SAMD4A: variants seen among roughly 807,000 people sequenced by gnomAD.
SAMD4A encodes protein Smaug homolog 1.
SAMD4A carries 33 observed loss-of-function variants against 81.3 expected under a neutral mutation model. The observed-to-expected ratio is 0.41, with a 90% CI of 0.31 to 0.54. The LOEUF (loss-of-function observed/expected upper bound fraction) is 0.54, where lower values mean the gene tolerates loss of function less well. Among genes scored for constraint, SAMD4A ranks in the 20% least tolerant of loss-of-function variants. The pLI, the probability that SAMD4A is intolerant of heterozygous loss-of-function variation, is 0.37. For missense variants in SAMD4A, 854 were observed against 951.1 expected, an observed-to-expected ratio of 0.90 and a Z score of 1.34; for synonymous variants, 389 against 382.1, an observed-to-expected ratio of 1.02 and a Z score of -0.21.
intron 3 of SAMD4A, among the ~76,000 whole-genome samples, chr14:54,726,789 G>A (rs1295090022): frequency 6.6e-6 from 1 of 152,114 alleles, no homozygotes; most frequent in Non-Finnish European, 1.5e-5. Context: ...AGGCTCAAAG[G>A]AAGTTAAGTG....
In SAMD4A at chr14:54,773,020, A is replaced by C. The variant is rs745576709; in HGVS notation, c.1716-1914A>C. On this transcript the variant is annotated intron_variant, in intron 9 of 12. Coordinates refer to ENST00000554335, the MANE Select transcript of SAMD4A (RefSeq NM_015589.6). The stretch of plus-strand genomic sequence containing the variant: ...GGGAAAATGGGAGAAAAAAGGAAGA[A>C]AGGCCAAGACAAAGATACCAAGAAC... 7.9e-5 allele frequency among the ~76,000 whole-genome samples: 12 copies of C among 152,228 alleles called. 1 individual carries two copies. Among genetic ancestry groups the C allele is most frequent in the Non-Finnish European group, 1.6e-4 (11 of 68,036 alleles).
At position 54,727,673 on chromosome 14, in the gene SAMD4A, T is replaced by C. The variant is rs758320945; in HGVS notation, c.716-9351T>C. On this transcript the variant is annotated intron_variant, in intron 3 of 12. Transcript: ENST00000554335. ...TGGGGAGACTTGAATTTTTGGCTAC[T>C]GTATTTGTGTCTGTGTATGACCATG... Among the ~76,000 whole-genome samples, 156 of 152,232 alleles carry C rather than the reference T, an allele frequency of 1.0e-3. 2 individuals carry two copies. Among genetic ancestry groups the C allele is most frequent in the Non-Finnish European group, 2.2e-4 (15 of 68,034 alleles).
intron 6 of SAMD4A, 146 bp downstream of exon 6, chr14:54,751,683 G>T: frequency 1.5e-6 from 1 of 673,006 alleles, no homozygotes; most frequent in South Asian, 1.7e-5. Context: ...GAATGATTTT[G>T]AAGTGAAACT....
At chr14:54,680,842 C>A (rs1310635151) in intron 2 of SAMD4A, among the ~76,000 whole-genome samples, 2 of 152,194 alleles carry the variant, frequency 1.3e-5, no homozygotes, top group Non-Finnish European at 2.9e-5. Context: ...GTTCTGGAGT[C>A]TCTTCTCCCC....
intron 2 of SAMD4A, chr14:54,652,949 C>T (rs2035438229): frequency 6.6e-6 from 1 of 152,192 alleles, no homozygotes; most frequent in Non-Finnish European, 1.5e-5. Context: ...TGTTCGTCTG[C>T]TAGTTCCCTC....
At chr14:54,617,853 C>T (rs113071577) in intron 2 of SAMD4A, among the ~76,000 whole-genome samples, 8 of 152,234 alleles carry the variant, frequency 5.3e-5, no homozygotes, top group African/African-American at 1.9e-4. Context: ...TTATTTTAGC[C>T]GTGATATAAA....
intron 4 of SAMD4A, among the ~76,000 whole-genome samples, chr14:54,740,629 A>C (rs1304760413): frequency 6.6e-6 from 1 of 152,186 alleles, no homozygotes; most frequent in Non-Finnish European, 1.5e-5. Context: ...ATCCTCCGTT[A>C]GGAGTGTGCC....
chr14:54,714,991 A>G (rs2037083728), intron 3 of SAMD4A, among the ~76,000 whole-genome samples: 1 of 152,174 alleles, frequency 6.6e-6, no homozygotes. Flanking sequence ...ATAAAGAGTA[A>G]GGTAAAATTG....
At chr14:54,566,640 C>T (rs1037596095), upstream of SAMD4A, among the ~76,000 whole-genome samples, 1 of 151,706 alleles carries the variant, frequency 6.6e-6, no homozygotes, top group Non-Finnish European at 1.5e-5. Context: ...CGTCCCCTCG[C>T]GGGGCGTGTG....
rs147554904 is a variant in SAMD4A, at chr14:54,720,477, C to G, written c.716-16547C>G. On this transcript the variant is annotated intron_variant, in intron 3 of 12. Transcript: ENST00000554335. ...GAGATCAGATAGGAACCTAACCTGG[C>G]TGTTTTTGTGGGACTCACATATATC... Among the ~76,000 whole-genome samples, 357 of 152,196 alleles carry G rather than the reference C, an allele frequency of 2.3e-3. 3 individuals are homozygous for G. The highest frequency in any genetic ancestry group is 8.4e-3 in the African/African-American group (347 of 41,536).
intron 2 of SAMD4A, among the ~76,000 whole-genome samples, chr14:54,584,890 G>GC (rs1326117941): frequency 3.3e-5 from 5 of 152,126 alleles, no homozygotes; most frequent in Non-Finnish European, 5.9e-5. Context: ...TTCTAGCAAA[G>GC]CAGGTAGAAG....
intron 4 of SAMD4A, among the ~76,000 whole-genome samples, chr14:54,745,863 G>A (rs2037956028): frequency 6.6e-6 from 1 of 152,200 alleles, no homozygotes; most frequent in African/African-American, 2.4e-5. Flanking sequence ...AAACAGTTCT[G>A]CTTCTCCCTG....
At chr14:54,784,229 C>A (rs1400616468) in intron 11 of SAMD4A, 1 of 790,406 alleles carries the variant, frequency 1.3e-6, no homozygotes, top group Non-Finnish European at 2.1e-6. Context: ...GCCTTATGGG[C>A]CAGGGCAGGA....
rs2039270879 is a variant in SAMD4A, at chr14:54,792,230, G to A, written c.*3286G>A. 1 of 152,160 alleles carries A rather than the reference G, an allele frequency of 6.6e-6. No homozygotes were observed. Among genetic ancestry groups the A allele is most frequent in the Non-Finnish European group, 1.5e-5 (1 of 68,030 alleles). 9.4% of individuals were successfully genotyped at this position (152,160 alleles called of 1,614,324 possible). A position where few individuals can be genotyped will look rare whatever the true frequency, so the allele number is the denominator to read the frequency against. ...AGATGTGGCTGGGTCTGCCTGTCCG[G>A]GCGGCTCTTTGCACCGAGCTCTCAA... is the stretch of plus-strand genomic sequence containing the variant. On this transcript the variant is annotated 3_prime_UTR_variant, in exon 13 of 13. Transcript: ENST00000554335.
intron 2 of SAMD4A, among the ~76,000 whole-genome samples, chr14:54,584,012 G>T (rs916022789): frequency 2.6e-5 from 4 of 152,210 alleles, no homozygotes; most frequent in Admixed American, 6.5e-5. Flanking sequence ...AAATGCAGGT[G>T]TAGAGTCTTT....
At chr14:54,584,354 G>A (rs770820069) in intron 2 of SAMD4A, among the ~76,000 whole-genome samples, 56 of 152,178 alleles carry the variant, frequency 3.7e-4, no homozygotes, top group Non-Finnish European at 6.5e-4. Context: ...AGACATAGCA[G>A]CTGAGGCATA....
chr14:54,782,633 C>T (rs1419469017), intron 11 of SAMD4A, among the ~76,000 whole-genome samples: 4 of 152,190 alleles, frequency 2.6e-5, no homozygotes, highest in East Asian at 1.9e-4. Flanking sequence ...CCATCGATGC[C>T]GGAACATGGG....
chr14:54,582,491 C>T (rs2033496756), intron 2 of SAMD4A, among the ~76,000 whole-genome samples: 1 of 152,182 alleles, frequency 6.6e-6, no homozygotes, highest in Non-Finnish European at 1.5e-5. Context: ...TGAGCTCCCA[C>T]ACGGCATCTG....
chr14:54,617,155 T>C (rs1366655567), intron 2 of SAMD4A, among the ~76,000 whole-genome samples: 1 of 152,184 alleles, frequency 6.6e-6, no homozygotes, highest in Non-Finnish European at 1.5e-5. Context: ...TCTTTACAAT[T>C]CTATGAGAAT....
Sources: allele counts gnomAD v4.1 joint callset (sites outside exome capture counted in the v4.1 genomes callset), GRCh38; gene constraint gnomAD v4.1.1; transcripts MANE v1.5; gene names NCBI Gene and HGNC (gene_info 2026-07-23, HGNC 2026-07-21).